The following IARS2 variants were observed in gnomAD, a reference collection of about 807,000 sequenced individuals.
IARS2 encodes isoleucyl-tRNA synthetase 2, mitochondrial.
A neutral mutation model predicts 126.3 loss-of-function variants in IARS2; 56 were observed. That is an observed-to-expected ratio of 0.44 (90% CI 0.36 to 0.55). IARS2 has a LOEUF of 0.55. Ranked by LOEUF, IARS2 falls within the 20% of genes least tolerant of loss-of-function variation. The pLI is 0.00. For missense variants in IARS2, 1,127 were observed against 1,245.9 expected (o/e 0.90, Z 1.44); for synonymous variants, 407 against 441.1 (o/e 0.92, Z 0.97).
intron 18 of IARS2, among the ~76,000 whole-genome samples, chr1:220,139,475 T>C (rs1481667115): frequency 6.6e-6 from 1 of 152,176 alleles, no homozygotes; most frequent in African/African-American, 2.4e-5. Context: ...TCTGGCTGGG[T>C]GTGGAAACTC....
At chr1:220,119,528 C>T (rs942669608) in intron 12 of IARS2, among the ~76,000 whole-genome samples, 4 of 151,908 alleles carry the variant, frequency 2.6e-5, no homozygotes, top group Non-Finnish European at 4.4e-5. Context: ...TATTAAATAT[C>T]ACAAGGAAAT....
intron 19 of IARS2, among the ~76,000 whole-genome samples, chr1:220,141,052 ACT>A (rs1457333436): frequency 6.6e-6 from 1 of 151,690 alleles, no homozygotes; most frequent in Non-Finnish European, 1.5e-5. Context: ...CCTCCCGCTT[ACT>A]AGCTTTCTGA....
At chr1:220,102,033 T>G in intron 3 of IARS2, 96 bp from the exon 4 acceptor site, 2 of 1,198,220 alleles carry the variant, frequency 1.7e-6, no homozygotes, top group Non-Finnish European at 2.4e-6. Context: ...TTCTAAACTG[T>G]CTGTAGCATT....
At chr1:220,145,147 T>G (rs1258329882) in intron 21 of IARS2, among the ~76,000 whole-genome samples, 1 of 151,748 alleles carries the variant, frequency 6.6e-6, no homozygotes, top group African/African-American at 2.4e-5. Context: ...CCACCACGTA[T>G]GGGTTGAGAA....
chr1:220,124,812 G>T (rs1289610014), intron 12 of IARS2, among the ~76,000 whole-genome samples: 1 of 152,192 alleles, frequency 6.6e-6, no homozygotes, highest in Non-Finnish European at 1.5e-5. Flanking sequence ...AGGGATGAGG[G>T]TAGGAGGAAG....
chr1:220,125,108 A>G (rs1657125895), intron 12 of IARS2, 129 bp from the exon 13 acceptor site: 1 of 511,372 alleles, frequency 2.0e-6, no homozygotes, highest in South Asian at 4.1e-5. Flanking sequence ...ATTTAAAATG[A>G]TAGCAGCTTT....
At chr1:220,121,929 G>C (rs1024993149) in intron 12 of IARS2, among the ~76,000 whole-genome samples, 1 of 152,082 alleles carries the variant, frequency 6.6e-6, no homozygotes, top group African/African-American at 2.4e-5. Flanking sequence ...CCCATCTCTA[G>C]AGGGGGGGAA....
In IARS2 at chr1:220,114,365, G is replaced by A. The variant is rs1301421059; in HGVS notation, c.1531G>A (p.Val511Ile). ...TCCTGGATCAGCACTGAATGGCATG[G>A]TTGAAATGATGGACAGGCGGCCATA... ...FIPGSALNGM[V>I]EMMDRRPYWC... The change falls in exon 12 of 23, where the codon GTT becomes ATT. Residue 511 changes from valine (V) to isoleucine (I), a missense_variant. Coordinates refer to ENST00000366922, the MANE Select transcript of IARS2 (RefSeq NM_018060.4). The A allele has an allele frequency of 1.9e-6, 3 of 1,613,876 alleles. No homozygotes were observed. The African/African-American group carries it at 4.0e-5, about 22-fold the overall frequency.
intron 14 of IARS2, among the ~76,000 whole-genome samples, chr1:220,127,947 A>G (rs1417207570): frequency 6.6e-6 from 1 of 152,192 alleles, no homozygotes; most frequent in Non-Finnish European, 1.5e-5. Context: ...CTGCAAGTTT[A>G]GGTACTTGGT....
chr1:220,105,927 T>C lies in IARS2; in HGVS notation c.1103T>C (p.Leu368Ser), dbSNP rs770929208. 2.5e-6 allele frequency: 4 copies of C among 1,614,140 alleles called. No homozygotes were observed. Among genetic ancestry groups the C allele is most frequent in the East Asian group, 2.2e-5 (1 of 44,880 alleles). Residue 368 changes from leucine (L) to serine (S), a missense_variant, in exon 9 of 23, where the codon TTA becomes TCA. By Grantham distance (145) the Leu-to-Ser change is moderately radical. Coordinates refer to ENST00000366922, the MANE Select transcript of IARS2 (RefSeq NM_018060.4). ...GAAAATGGTACTTGCAGTCATCCAT[T>C]AATTCCTGATAAAGCCTCTCCTCTT... is the stretch of plus-strand genomic sequence containing the variant. ...DLENGTCSHP[L>S]IPDKASPLLP...
At chr1:220,105,708 A>G (rs920652142) in intron 8 of IARS2, among the ~76,000 whole-genome samples, 183 bp from the exon 9 acceptor site, 5 of 152,244 alleles carry the variant, frequency 3.3e-5, no homozygotes, top group African/African-American at 1.2e-4. Flanking sequence ...GGTGGGAACC[A>G]TAATTATCTG....
At chr1:220,142,237 A>T (rs1657504249) in intron 20 of IARS2, among the ~76,000 whole-genome samples, 1 of 152,138 alleles carries the variant, frequency 6.6e-6, no homozygotes, top group Non-Finnish European at 1.5e-5. Flanking sequence ...GGTGGCTCAC[A>T]CCTGTAATCC....
chr1:220,138,882 T>C (rs2102840024), intron 17 of IARS2, 126 bp from the exon 18 acceptor site: 1 of 858,172 alleles, frequency 1.2e-6, no homozygotes, highest in Non-Finnish European at 1.8e-6. Flanking sequence ...TGTAGTCTTA[T>C]TTGGAATGAT....
At chr1:220,116,751 AT>A (rs1656920897) in intron 12 of IARS2, among the ~76,000 whole-genome samples, 1 of 151,886 alleles carries the variant, frequency 6.6e-6, no homozygotes, top group African/African-American at 2.4e-5. Flanking sequence ...AGTTCAGATT[AT>A]TTTATTTTAT....
At chr1:220,096,453 AT>A (rs1231340284) in intron 2 of IARS2, among the ~76,000 whole-genome samples, 1 of 152,216 alleles carries the variant, frequency 6.6e-6, no homozygotes, top group Non-Finnish European at 1.5e-5. Context: ...TCAGTGCATA[AT>A]TATCGGGCGA....
chr1:220,129,583 A>G (rs1023880699), intron 14 of IARS2, among the ~76,000 whole-genome samples: 1 of 152,174 alleles, frequency 6.6e-6, no homozygotes, highest in African/African-American at 2.4e-5. Flanking sequence ...TTTAGCTCCC[A>G]CATATGAGTG....
chr1:220,112,423 C>A lies in IARS2; in HGVS notation c.1479+1486C>A, dbSNP rs1050857544. 1.3e-5 allele frequency among the ~76,000 whole-genome samples: 2 copies of A among 151,360 alleles called. 1 individual carries two copies. The highest frequency in any genetic ancestry group is 4.9e-5 in the African/African-American group (2 of 41,110). The stretch of plus-strand genomic sequence containing the variant: ...TGCTGGGATTACAGGCGTGAGCCAC[C>A]GCGCCCGGCCCGACCACCTACTTTT... On this transcript the variant is annotated intron_variant, in intron 11 of 22. Transcript: ENST00000366922.
At chr1:220,097,266 T>C (rs535063708) in intron 2 of IARS2, among the ~76,000 whole-genome samples, 2 of 152,028 alleles carry the variant, frequency 1.3e-5, no homozygotes, top group African/African-American at 4.8e-5. Context: ...TCTCACTCTT[T>C]GCTACTTTAG....
chr1:220,116,663 G>C (rs1656919288), intron 12 of IARS2, among the ~76,000 whole-genome samples: 1 of 152,036 alleles, frequency 6.6e-6, no homozygotes, highest in African/African-American at 2.4e-5. Context: ...TGTTGCTGTG[G>C]TGTTCTTACA....
Sources: allele counts gnomAD v4.1 joint callset (sites outside exome capture counted in the v4.1 genomes callset), GRCh38; gene constraint gnomAD v4.1.1; transcripts MANE v1.5; gene names NCBI Gene and HGNC (gene_info 2026-07-23, HGNC 2026-07-21).